PPM1H: variants seen among roughly 807,000 people sequenced by gnomAD.
PPM1H encodes protein phosphatase, Mg2+/Mn2+ dependent 1H, also known as protein phosphatase 1H.
PPM1H carries 27 observed loss-of-function variants against 54.9 expected under a neutral mutation model. The observed-to-expected ratio is 0.49, with a 90% CI of 0.36 to 0.68. The LOEUF (loss-of-function observed/expected upper bound fraction) is 0.68, where lower values mean the gene tolerates loss of function less well. Ranked by LOEUF, PPM1H falls within the 30% of genes least tolerant of loss-of-function variation. The pLI, the probability that PPM1H is intolerant of heterozygous loss-of-function variation, is 0.00. For synonymous variants in PPM1H, 305 were observed against 270.8 expected (o/e 1.13, Z -1.24); for missense variants, 596 against 667.8 (o/e 0.89, Z 1.19).
chr12:62,646,197 AG>A lies in PPM1H; in HGVS notation c.*2291del, dbSNP rs1325335672. 4 of 152,244 alleles carry A rather than the reference AG, an allele frequency of 2.6e-5. No homozygotes were observed. The highest frequency in any genetic ancestry group is 5.9e-5 in the Non-Finnish European group (4 of 68,036). 9.4% of individuals were successfully genotyped at this position (152,244 alleles called of 1,614,324 possible). ...TTTCTAACTAAAACCAGCAGGACTA[AG>A]TGCTCAAGATTTTATAATATTTCGA... On this transcript the variant is annotated 3_prime_UTR_variant, in exon 10 of 10. Coordinates refer to ENST00000228705, the MANE Select transcript of PPM1H (RefSeq NM_020700.2).
At chr12:62,897,787 C>G (rs1026620229) in intron 1 of PPM1H, among the ~76,000 whole-genome samples, 2 of 152,068 alleles carry the variant, frequency 1.3e-5, no homozygotes, top group Non-Finnish European at 2.9e-5. Flanking sequence ...TGCCAACTAA[C>G]TATGGGAACT....
intron 8 of PPM1H, among the ~76,000 whole-genome samples, chr12:62,671,469 T>G (rs2075956467): frequency 6.6e-6 from 1 of 152,218 alleles, no homozygotes; most frequent in Non-Finnish European, 1.5e-5. Flanking sequence ...ACGCTTTTAT[T>G]GCATACTTGC....
intron 5 of PPM1H, among the ~76,000 whole-genome samples, chr12:62,726,839 T>G (rs2076292460): frequency 6.6e-6 from 1 of 152,218 alleles, no homozygotes; most frequent in Admixed American, 6.5e-5. Flanking sequence ...ATGATTTTAC[T>G]TTGGATTTAC....
chr12:62,895,833 G>A (rs1870967892), intron 1 of PPM1H, among the ~76,000 whole-genome samples: 2 of 152,212 alleles, frequency 1.3e-5, no homozygotes, highest in East Asian at 1.9e-4. Flanking sequence ...ATCAGAAGTG[G>A]AGCAGGTGCT....
chr12:62,934,506 G>C lies in PPM1H; in HGVS notation c.231C>G (p.Ala77=), dbSNP rs1457150512. ...ILKETRRLPW[A]TGYAEVINAG... ...GCTGCACTCACTCTGCGTAGCCAGTGGCCCAGGGCAGCCGCCGAGTCTCCT... is the reference window on the plus strand; with the variant it reads ...GCTGCACTCACTCTGCGTAGCCAGTCGCCCAGGGCAGCCGCCGAGTCTCCT... The change falls in exon 1 of 10, where the codon GCC becomes GCG. Residue 77 remains alanine, a synonymous_variant. Coordinates refer to ENST00000228705, the MANE Select transcript of PPM1H (RefSeq NM_020700.2). This position sits in a 1 kb window ranked among gnomAD's most constrained non-coding sequence, Gnocchi z 4.2. The C allele has an allele frequency of 6.5e-7, 1 of 1,546,826 alleles. No homozygotes were observed. The highest frequency in any genetic ancestry group is 8.7e-7 in the Non-Finnish European group (1 of 1,146,474).
intron 1 of PPM1H, among the ~76,000 whole-genome samples, chr12:62,832,505 A>C (rs1398538442): frequency 6.6e-6 from 1 of 152,220 alleles, no homozygotes. Flanking sequence ...AGTTGTTTTG[A>C]GACCTGTTCA....
intron 1 of PPM1H, among the ~76,000 whole-genome samples, chr12:62,872,883 A>C (rs1329958248): frequency 6.6e-6 from 1 of 152,254 alleles, no homozygotes; most frequent in Non-Finnish European, 1.5e-5. Flanking sequence ...ATTCTTCCAC[A>C]ATTTTGAATC....
chr12:62,930,985 TCA>T (rs747406760), intron 1 of PPM1H, among the ~76,000 whole-genome samples: 5 of 152,206 alleles, frequency 3.3e-5, no homozygotes, highest in African/African-American at 4.8e-5. Flanking sequence ...ACGAAAATCT[TCA>T]GTTTCTGCAA....
At chr12:62,773,195 C>T (rs2076589667) in intron 4 of PPM1H, among the ~76,000 whole-genome samples, 1 of 151,744 alleles carries the variant, frequency 6.6e-6, no homozygotes, top group Admixed American at 6.6e-5. Flanking sequence ...GGCATGAAGC[C>T]TGGGTGCCGT....
At chr12:62,662,301 T>C (rs1009564322) in intron 9 of PPM1H, among the ~76,000 whole-genome samples, 1 of 152,214 alleles carries the variant, frequency 6.6e-6, no homozygotes, top group Non-Finnish European at 1.5e-5. Context: ...AACATGAGAA[T>C]GTTGCTAACA....
At chr12:62,853,902 G>T (rs1256373116) in intron 1 of PPM1H, among the ~76,000 whole-genome samples, 2 of 152,124 alleles carry the variant, frequency 1.3e-5, no homozygotes, top group Non-Finnish European at 2.9e-5. Context: ...TGGGAAGAGA[G>T]GTAGGTAGGG....
chr12:62,923,134 T>A (rs1357704472), intron 1 of PPM1H, among the ~76,000 whole-genome samples: 2 of 152,166 alleles, frequency 1.3e-5, no homozygotes, highest in African/African-American at 4.8e-5. Context: ...CAACTGAGGA[T>A]GTCAAAGTCA....
chr12:62,839,222 A>AC, intron 1 of PPM1H, among the ~76,000 whole-genome samples: 1 of 151,888 alleles, frequency 6.6e-6, no homozygotes, highest in African/African-American at 2.4e-5. Flanking sequence ...GTCCTTCTGT[A>AC]CCCCCACAAC....
At chr12:62,926,525 TA>T (rs1871974827) in intron 1 of PPM1H, among the ~76,000 whole-genome samples, 1 of 151,896 alleles carries the variant, frequency 6.6e-6, no homozygotes, top group African/African-American at 2.4e-5. Context: ...AAAATGAAGT[TA>T]AAAAATGAAC....
At chr12:62,890,025 AT>A (rs1268885642) in intron 1 of PPM1H, among the ~76,000 whole-genome samples, 4 of 152,220 alleles carry the variant, frequency 2.6e-5, no homozygotes, top group African/African-American at 9.6e-5. Context: ...CCAAAGACAT[AT>A]CTGGTAAAGG....
intron 4 of PPM1H, among the ~76,000 whole-genome samples, chr12:62,765,747 T>C (rs2076538893): frequency 6.6e-6 from 1 of 152,098 alleles, no homozygotes; most frequent in South Asian, 2.1e-4. Context: ...TGGGATGGGA[T>C]GGAGGAGTCA....
intron 4 of PPM1H, among the ~76,000 whole-genome samples, chr12:62,785,876 AAGAG>A (rs1422247786): frequency 6.6e-6 from 1 of 150,524 alleles, no homozygotes; most frequent in Non-Finnish European, 1.5e-5. Context: ...AAAAAAAAAA[AAGAG>A]AGAAAAAGGC....
rs1872276581 is a variant in PPM1H at position 62,934,825 on chromosome 12, C to A, written c.-89G>T. The stretch of plus-strand genomic sequence containing the variant: ...CGCGGGGCATGCAGGCTGCGGTGGG[C>A]GCCGGGCGCACGGCGAGTCGGGCCA... On this transcript the variant is annotated 5_prime_UTR_variant, in exon 1 of 10. Coordinates refer to ENST00000228705, the MANE Select transcript of PPM1H (RefSeq NM_020700.2). The surrounding 1 kb of genome is among the most constrained non-coding windows in gnomAD (Gnocchi z 4.2). The A allele has an allele frequency of 5.7e-6, 7 of 1,229,268 alleles. No homozygotes were observed. The highest frequency in any genetic ancestry group is 5.1e-6 in the Non-Finnish European group (5 of 974,974). 76.1% of individuals were successfully genotyped at this position (1,229,268 alleles called of 1,614,324 possible).
chr12:62,669,908 C>G (rs984089811), intron 8 of PPM1H, among the ~76,000 whole-genome samples: 12 of 149,234 alleles, frequency 8.0e-5, no homozygotes, highest in Non-Finnish European at 1.5e-4. Context: ...CATTACACTC[C>G]AGCCTGGGTG....
Sources: gnomAD v4.1 joint callset for allele counts (sites outside exome capture counted in the v4.1 genomes callset) on GRCh38, gnomAD v4.1.1 for gene constraint, Gnocchi (gnomAD v3.1) non-coding constraint, MANE v1.5 for transcripts, NCBI Gene and HGNC (gene_info 2026-07-23, HGNC 2026-07-21) for gene names.